The following ORC1 variants were observed in gnomAD, a reference collection of about 807,000 sequenced individuals.
ORC1 encodes origin recognition complex subunit 1.
In ORC1, 61 loss-of-function variants were observed where a neutral mutation model predicts 98.9. That is an observed-to-expected ratio of 0.62 (90% CI 0.50 to 0.76). The LOEUF is 0.76. Ranked by LOEUF, ORC1 falls within the 30% of genes least tolerant of loss-of-function variation. ORC1 has a pLI of 0.00. For synonymous variants in ORC1, 385 were observed against 406.9 expected (o/e 0.95, Z 0.65); for missense variants, 979 against 1,072.2 (o/e 0.91, Z 1.21).
chr1:52,390,407 G>A (rs1215721226), intron 6 of ORC1, among the ~76,000 whole-genome samples: 5 of 152,162 alleles, frequency 3.3e-5, no homozygotes, highest in African/African-American at 7.2e-5. Context: ...ACTTATAGCC[G>A]ACTGATGTTC....
Position 52,375,584 on chromosome 1 carries a change from C to T in ORC1, c.2149G>A (p.Gly717Arg). The stretch of plus-strand genomic sequence containing the variant: ...ATGTCCAGGCACCGTCGTGCATCTC[C>T]AGACAGTGCTGCTACCTACAAGAGG... ...LVARKVAALS[G>R]DARRCLDICR... Residue 717 changes from glycine to arginine, a missense_variant, in exon 15 of 17, where the codon GGA becomes AGA. Gly to Arg is a moderately radical substitution (Grantham distance 125). Transcript: ENST00000371568. 1 of 1,613,976 alleles carries T rather than the reference C, an allele frequency of 6.2e-7. No homozygotes were observed. The highest frequency in any genetic ancestry group is 8.5e-7 in the Non-Finnish European group (1 of 1,180,016).
chr1:52,385,899 G>T lies in ORC1; in HGVS notation c.1434C>A (p.Ser478Arg), dbSNP rs749709845. Reference sequence around the variant, plus strand: ...CACTGGCTGGCTCCTGGGCAGCCAGGCTTCGACTACGGATCTGAGGAGCGG... The same window carrying T: ...CACTGGCTGGCTCCTGGGCAGCCAGTCTTCGACTACGGATCTGAGGAGCGG... ...RCAAPQIRSR[S>R]LAAQEPASVL... is the part of the protein sequence containing the mutation. The change falls in exon 9 of 17, where the codon AGC becomes AGA. Residue 478 changes from serine to arginine, a missense_variant. Coordinates refer to ENST00000371568, the MANE Select transcript of ORC1 (RefSeq NM_004153.4). 2.5e-6 allele frequency: 4 copies of T among 1,613,868 alleles called. No individual in the cohort carries two copies. The South Asian group carries it at 3.3e-5, about 13-fold the overall frequency.
chr1:52,373,494 A>G (rs1166804646), intron 16 of ORC1, 119 bp from the exon 17 acceptor site: 3 of 826,428 alleles, frequency 3.6e-6, no homozygotes, highest in African/African-American at 1.7e-5. Context: ...CAAACACTCC[A>G]GAAGGCATCA....
Position 52,385,151 on chromosome 1 carries a change from CAT to C in ORC1, c.1583+8_1583+9del. The C allele has an allele frequency of 6.3e-7, 1 of 1,580,908 alleles. No homozygotes were observed. The highest frequency in any genetic ancestry group is 8.7e-7 in the Non-Finnish European group (1 of 1,149,692). On this transcript the variant is annotated splice_region_variant and intron_variant, in intron 10 of 16. Coordinates refer to ENST00000371568, the MANE Select transcript of ORC1 (RefSeq NM_004153.4). The stretch of plus-strand genomic sequence containing the variant: ...TCCCCAAACTACCCTGCCTGCCTCA[CAT>C]GACTCACCCTCCGGTATGGTCAAGG...
intron 8 of ORC1, among the ~76,000 whole-genome samples, chr1:52,387,031 G>A (rs919668716): frequency 6.6e-6 from 1 of 152,144 alleles, no homozygotes. Flanking sequence ...TGCTGAGAAG[G>A]TATCAAGAAA....
At chr1:52,378,991 C>T (rs1289067547) in intron 14 of ORC1, among the ~76,000 whole-genome samples, 1 of 151,802 alleles carries the variant, frequency 6.6e-6, no homozygotes, top group African/African-American at 2.4e-5. Flanking sequence ...CGAGATTGTG[C>T]CACTGCACTC....
At chr1:52,385,091 T>C in intron 10 of ORC1, 70 bp downstream of exon 10, 2 of 975,088 alleles carry the variant, frequency 2.1e-6, no homozygotes, top group South Asian at 2.6e-5. Flanking sequence ...GGCTGAACTG[T>C]AACACCCAAG....
intron 14 of ORC1, among the ~76,000 whole-genome samples, chr1:52,379,719 G>A (rs1647036855): frequency 6.6e-6 from 1 of 151,920 alleles, no homozygotes. Context: ...TGGATCAGGA[G>A]GTCAAGAGAT....
At chr1:52,386,947 C>T (rs1647150695) in intron 8 of ORC1, among the ~76,000 whole-genome samples, 2 of 151,550 alleles carry the variant, frequency 1.3e-5, no homozygotes, top group African/African-American at 4.9e-5. Flanking sequence ...AGAGCAAGAG[C>T]GTGTCTCAAA....
chr1:52,375,811 G>A (rs183782219), intron 14 of ORC1, among the ~76,000 whole-genome samples: 33 of 150,234 alleles, frequency 2.2e-4, no homozygotes, highest in South Asian at 4.2e-4. Context: ...TAACTCCACA[G>A]TGGACAACAC....
chr1:52,409,115 G>A (rs10127490), upstream of ORC1: 3,368 of 158,042 alleles, frequency 0.021, 110 homozygotes, highest in African/African-American at 0.075. Context: ...CAGCATATAA[G>A]ACTACTCATT....
At chr1:52,390,817 G>A (rs1284913156) in intron 6 of ORC1, among the ~76,000 whole-genome samples, 2 of 151,382 alleles carry the variant, frequency 1.3e-5, no homozygotes, top group African/African-American at 4.9e-5. Flanking sequence ...GCTTGAACCC[G>A]GGAGGCGGAG....
At chr1:52,407,178 C>T (rs1043480839), upstream of ORC1, among the ~76,000 whole-genome samples, 1 of 152,082 alleles carries the variant, frequency 6.6e-6, no homozygotes, top group Admixed American at 6.6e-5. Flanking sequence ...CCACTACACC[C>T]GGCTAATTTT....
In ORC1 at chr1:52,378,798, C is replaced by T. The variant is rs192178320; in HGVS notation, c.2133+2844G>A. On this transcript the variant is annotated intron_variant, in intron 14 of 16. Transcript: ENST00000371568. Reference sequence around the variant, plus strand: ...CCTGTAATCCCAGCACTTTGGGAGACCAAGGCAAGCAGATCACGAGGTCAG... The same window carrying T: ...CCTGTAATCCCAGCACTTTGGGAGATCAAGGCAAGCAGATCACGAGGTCAG... Among the ~76,000 whole-genome samples the T allele has an allele frequency of 1.9e-3, 287 of 152,042 alleles. 5 individuals carry two copies. Among genetic ancestry groups the T allele is most frequent in the Admixed American group, 0.016 (248 of 15,276 alleles).
At position 52,389,261 on chromosome 1, in the gene ORC1, T is replaced by C; in HGVS notation, c.1143A>G (p.Arg381=). 6.2e-7 allele frequency: 1 copy of C among 1,614,216 alleles called. No individual in the cohort carries two copies. The highest frequency in any genetic ancestry group is 8.5e-7 in the Non-Finnish European group (1 of 1,180,040). The change falls in exon 7 of 17, where the codon AGA becomes AGG. Residue 381 remains arginine, a synonymous_variant. Transcript: ENST00000371568. ...EATSTPHRIR[R]KSSVLTMNRI... ...GATTCATAGTCAAGACAGAACTCTT[T>C]CTGCGGATACGATGGGGAGTAGAGG...
intron 6 of ORC1, 36 bp downstream of exon 6, chr1:52,393,407 A>G: frequency 6.2e-7 from 1 of 1,613,772 alleles, no homozygotes; most frequent in Middle Eastern, 1.7e-4. Context: ...GATGTGAAGG[A>G]TTTCAATTTG....
At chr1:52,378,190 C>A in intron 14 of ORC1, among the ~76,000 whole-genome samples, 1 of 151,940 alleles carries the variant, frequency 6.6e-6, no homozygotes, top group East Asian at 1.9e-4. Flanking sequence ...ACTAAAAATA[C>A]AAAAAATTAG....
upstream of ORC1, among the ~76,000 whole-genome samples, chr1:52,406,931 C>A (rs749060755): frequency 1.3e-5 from 2 of 152,186 alleles, no homozygotes; most frequent in Non-Finnish European, 2.9e-5. Flanking sequence ...TTCTGCTTCT[C>A]GTACAAAGAA....
In ORC1 at chr1:52,373,013, T is replaced by C. The variant is rs1255286766; in HGVS notation, c.*168A>G. The C allele has an allele frequency of 8.1e-6, 6 of 742,930 alleles. No individual in the cohort carries two copies. In the African/African-American group the frequency reaches 8.6e-5, roughly 11 times the overall value. The allele number at this position is 742,930 out of a possible 1,614,324, so 46.0% of individuals were successfully genotyped here. On this transcript the variant is annotated 3_prime_UTR_variant, in exon 17 of 17. Transcript: ENST00000371568. ...TGGGCATGGTGGCATGTGCCTGTAG[T>C]TTCAGCCACCTGGGAGGATGAGGTT...
Sources: gnomAD v4.1 joint callset for allele counts (sites outside exome capture counted in the v4.1 genomes callset) on GRCh38, gnomAD v4.1.1 for gene constraint, MANE v1.5 for transcripts, NCBI Gene and HGNC (gene_info 2026-07-23, HGNC 2026-07-21) for gene names.